The following TRIO variants were observed in gnomAD, a reference collection of about 807,000 sequenced individuals.
TRIO encodes the protein triple functional domain protein.
TRIO carries 58 observed loss-of-function variants against 351.9 expected under a neutral mutation model. That is an observed-to-expected ratio of 0.16 (90% CI 0.13 to 0.21). The LOEUF (loss-of-function observed/expected upper bound fraction) is 0.21. Ranked by LOEUF, TRIO falls within the 10% of genes least tolerant of loss-of-function variation. The pLI is 1.00. For missense variants in TRIO, 3,201 were observed against 4,027.8 expected, an observed-to-expected ratio of 0.79 and a Z score of 5.56; for synonymous variants, 1,758 against 1,595.7, an observed-to-expected ratio of 1.10 and a Z score of -2.42.
intron 7 of TRIO, among the ~76,000 whole-genome samples, chr5:14,299,693 A>G (rs780655580): frequency 6.6e-6 from 1 of 152,214 alleles, no homozygotes; most frequent in Admixed American, 6.5e-5. Flanking sequence ...TCATAAACTC[A>G]GTCTGGAAAG....
intron 37 of TRIO, among the ~76,000 whole-genome samples, chr5:14,467,150 A>G (rs1228085124): frequency 6.6e-6 from 1 of 152,200 alleles, no homozygotes. Flanking sequence ...CTTGTTTCCC[A>G]TATTTCTCTG....
chr5:14,172,262 T>G (rs1162754118), intron 1 of TRIO, among the ~76,000 whole-genome samples: 1 of 152,220 alleles, frequency 6.6e-6, no homozygotes, highest in Admixed American at 6.5e-5. Flanking sequence ...TGTAACTGAA[T>G]AGCCAAGCAG....
chr5:14,235,964 C>G (rs1256968635), intron 1 of TRIO, among the ~76,000 whole-genome samples: 2 of 151,964 alleles, frequency 1.3e-5, no homozygotes, highest in Non-Finnish European at 2.9e-5. Flanking sequence ...CATGCCCCAG[C>G]CCTATAAAAC....
chr5:14,387,825 C>G lies in TRIO; in HGVS notation c.3859C>G (p.Arg1287Gly), dbSNP rs1237610546. 1 of 1,614,062 alleles carries G rather than the reference C, an allele frequency of 6.2e-7. No individual in the cohort carries two copies. The change falls in exon 23 of 57, where the codon CGG (arginine) becomes GGG (glycine). Residue 1287 changes from arginine (R) to glycine (G), a missense_variant. Around this residue, in one of 19 missense-constraint regions of TRIO, gnomAD observed 201 missense variants for 266.5 expected, o/e 0.75. Coordinates refer to ENST00000344204, the MANE Select transcript of TRIO (RefSeq NM_007118.4). ...DAAHELNEEK[R>G]KSARRKEFIM... is the part of the protein sequence containing the mutation. ...TGCTCATGAACTTAATGAAGAGAAG[C>G]GGAAATCTGCCCGCAGGAAAGAGTA...
At chr5:14,319,723 A>C (rs1739699043) in intron 9 of TRIO, among the ~76,000 whole-genome samples, 1 of 152,202 alleles carries the variant, frequency 6.6e-6, no homozygotes. Flanking sequence ...TATGAAAGTA[A>C]CCCCAGAGGA....
At chr5:14,506,568 G>T (rs1271798007) in intron 55 of TRIO, among the ~76,000 whole-genome samples, 2 of 152,228 alleles carry the variant, frequency 1.3e-5, no homozygotes, top group African/African-American at 4.8e-5. Context: ...TAAATGAGTT[G>T]TTAGAAGGCA....
At chr5:14,485,005 G>T in intron 46 of TRIO, 64 bp from the exon 47 acceptor site, 1 of 1,451,278 alleles carries the variant, frequency 6.9e-7, no homozygotes, top group Non-Finnish European at 9.2e-7. Context: ...ATCGGTCAGT[G>T]GACACATGGT....
intron 34 of TRIO, among the ~76,000 whole-genome samples, chr5:14,459,620 G>A (rs1225071311): frequency 6.6e-6 from 1 of 152,134 alleles, no homozygotes; most frequent in Non-Finnish European, 1.5e-5. Flanking sequence ...GTCGTCTGTA[G>A]TTCCAGCTAC....
intron 15 of TRIO, among the ~76,000 whole-genome samples, chr5:14,365,781 A>T (rs890025596): frequency 1.2e-4 from 18 of 152,212 alleles, no homozygotes; most frequent in Non-Finnish European, 2.9e-5. Flanking sequence ...TAGTGGTCCC[A>T]TGATACATTA....
chr5:14,382,708 A>G (rs921201567), intron 21 of TRIO, among the ~76,000 whole-genome samples: 1 of 152,258 alleles, frequency 6.6e-6, no homozygotes, highest in African/African-American at 2.4e-5. Flanking sequence ...GATATTACAT[A>G]ATAGTTATGC....
intron 33 of TRIO, among the ~76,000 whole-genome samples, chr5:14,409,702 T>C (rs879515477): frequency 3.3e-5 from 5 of 152,008 alleles, no homozygotes; most frequent in East Asian, 1.9e-4. Flanking sequence ...AGCGTGGTGG[T>C]GGGTGCCTGT....
chr5:14,508,473 A>C lies in TRIO; in HGVS notation c.*51A>C, dbSNP rs1757872255. The C allele has an allele frequency of 6.5e-7, 1 of 1,533,116 alleles. No individual in the cohort carries two copies. The highest frequency in any genetic ancestry group is 8.8e-7 in the Non-Finnish European group (1 of 1,142,206). 95.0% of individuals were successfully genotyped at this position (1,533,116 alleles called of 1,614,324 possible). A position where few individuals can be genotyped will look rare whatever the true frequency, so the allele number is the denominator to read the frequency against. On this transcript the variant is annotated 3_prime_UTR_variant, in exon 57 of 57. Transcript: ENST00000344204. ...TCTTTCACCTGCCAATCAGCTGTTA[A>C]TCTGAATTTTCAAGAGAAAACAAGC...
rs757721967 is a variant in TRIO at position 14,497,906 on chromosome 5, AGAT to A, written c.8047+36_8047+38del. ...TCTGTTCTTTTTCTTCTAGTCCTAG[AGAT>A]GATTCTAGACCTGTGGGGCATGTTT... On this transcript the variant is annotated intron_variant, in intron 51 of 56. Coordinates refer to ENST00000344204, the MANE Select transcript of TRIO (RefSeq NM_007118.4). The surrounding 1 kb of genome is among the most constrained non-coding windows in gnomAD (Gnocchi z 4.4). 2 of 1,614,094 alleles carry A rather than the reference AGAT, an allele frequency of 1.2e-6. No individual in the cohort carries two copies. The highest frequency in any genetic ancestry group is 1.7e-5 in the Admixed American group (1 of 60,028).
chr5:14,474,218 G>C, intron 40 of TRIO, 121 bp downstream of exon 40: 1 of 892,432 alleles, frequency 1.1e-6, no homozygotes, highest in Non-Finnish European at 1.7e-6. Flanking sequence ...CTCCTGGAGG[G>C]AGCTGGTGCA....
chr5:14,506,040 A>G (rs1324690827), intron 55 of TRIO, among the ~76,000 whole-genome samples: 12 of 152,116 alleles, frequency 7.9e-5, no homozygotes, highest in Admixed American at 7.9e-4. Context: ...TGTGTGTGGA[A>G]GAGCCGAGCC....
At chr5:14,489,888 G>A (rs897831522) in intron 48 of TRIO, among the ~76,000 whole-genome samples, 2 of 152,204 alleles carry the variant, frequency 1.3e-5, no homozygotes, top group African/African-American at 2.4e-5. Context: ...AACCTGGAAA[G>A]GGAACTTGCT....
At chr5:14,342,450 T>C (rs1742025072) in intron 11 of TRIO, among the ~76,000 whole-genome samples, 1 of 152,180 alleles carries the variant, frequency 6.6e-6, no homozygotes, top group Non-Finnish European at 1.5e-5. Flanking sequence ...GTGCTCTGAT[T>C]ATCAGTGGTT....
chr5:14,479,847 C>A, intron 42 of TRIO, 72 bp from the exon 43 acceptor site: 1 of 1,379,976 alleles, frequency 7.2e-7, no homozygotes, highest in Non-Finnish European at 1.0e-6. Context: ...GTCTTTCTGA[C>A]AATTACAAAG....
At position 14,487,421 on chromosome 5, in the gene TRIO, C is replaced by A. The variant is rs116296447; in HGVS notation, c.6836-43C>A. The A allele has an allele frequency of 9.2e-3, 10,065 of 1,095,700 alleles. 739 individuals are homozygous for A. The African/African-American group carries it at 0.15, about 17-fold the overall frequency. The allele number at this position is 1,095,700 out of a possible 1,614,324, so 67.9% of individuals were successfully genotyped here. ...TCCTCCCTCACCCCGCGGCGTGCTCCTTGGCGCCCTGACCCAGTCTCTCCC... is the reference window on the plus strand; with the variant it reads ...TCCTCCCTCACCCCGCGGCGTGCTCATTGGCGCCCTGACCCAGTCTCTCCC... On this transcript the variant is annotated intron_variant, in intron 47 of 56. Coordinates refer to ENST00000344204, the MANE Select transcript of TRIO (RefSeq NM_007118.4).
Sources: allele counts gnomAD v4.1 joint callset (sites outside exome capture counted in the v4.1 genomes callset), GRCh38; gene constraint gnomAD v4.1.1; regional missense constraint gnomAD v4.1.1; non-coding constraint Gnocchi (gnomAD v3.1); transcripts MANE v1.5; gene names NCBI Gene and HGNC (gene_info 2026-07-23, HGNC 2026-07-21).